Variants in HEATR5B observed in about 807,000 individuals in gnomAD.
HEATR5B encodes the protein HEAT repeat-containing protein 5B.
A neutral mutation model predicts 224.1 loss-of-function variants in HEATR5B; 156 were observed. The observed-to-expected ratio is 0.70, with a 90% CI of 0.61 to 0.80. HEATR5B has a LOEUF of 0.80. HEATR5B is among the 30% of genes least tolerant of loss of function. The pLI, the probability that HEATR5B is intolerant of heterozygous loss-of-function variation, is 0.00. For synonymous variants in HEATR5B, 1,027 were observed against 893.0 expected, an observed-to-expected ratio of 1.15 and a Z score of -2.68; for missense variants, 2,323 against 2,535.5, an observed-to-expected ratio of 0.92 and a Z score of 1.80.
At chr2:37,044,779 G>A (rs1016216946) in intron 18 of HEATR5B, among the ~76,000 whole-genome samples, 2 of 152,150 alleles carry the variant, frequency 1.3e-5, no homozygotes, top group Non-Finnish European at 2.9e-5. Flanking sequence ...TTATATGCAT[G>A]TTACACAGCT....
At chr2:37,029,680 C>T (rs1055930792) in intron 22 of HEATR5B, among the ~76,000 whole-genome samples, 17 of 151,616 alleles carry the variant, frequency 1.1e-4, no homozygotes, top group African/African-American at 3.9e-4. Flanking sequence ...GTGGCTCATG[C>T]CTGTAATCCC....
At chr2:37,003,150 G>C (rs1035481017) in intron 31 of HEATR5B, among the ~76,000 whole-genome samples, 1 of 150,860 alleles carries the variant, frequency 6.6e-6, no homozygotes, top group African/African-American at 2.4e-5. Flanking sequence ...AGGTACTCTG[G>C]AGGCTGAGGT....
At position 37,038,550 on chromosome 2, in the gene HEATR5B, A is replaced by AAC. The variant is rs560841505; in HGVS notation, c.3047-528_3047-527dup. 2.4e-3 allele frequency among the ~76,000 whole-genome samples: 365 copies of AAC among 152,328 alleles called. 2 individuals are homozygous for AAC. Among genetic ancestry groups the AAC allele is most frequent in the Non-Finnish European group, 3.0e-3 (201 of 68,032 alleles). On this transcript the variant is annotated intron_variant, in intron 20 of 35. Transcript: ENST00000233099. ...TTATCACTTTTGAAAATACTTGATAAACACCTATGCTTAATAAAAGGCACA... is the reference window on the plus strand; with the variant it reads ...TTATCACTTTTGAAAATACTTGATAAACACACCTATGCTTAATAAAAGGCACA...
chr2:36,983,379 A>C (rs1264635254), intron 35 of HEATR5B, among the ~76,000 whole-genome samples: 1 of 151,204 alleles, frequency 6.6e-6, no homozygotes, highest in Non-Finnish European at 1.5e-5. Context: ...AATACAAAAA[A>C]AAAAAAAAAA....
At chr2:37,037,024 C>T (rs1176045453) in intron 21 of HEATR5B, among the ~76,000 whole-genome samples, 1 of 151,228 alleles carries the variant, frequency 6.6e-6, no homozygotes, top group Non-Finnish European at 1.5e-5. Context: ...TGACATATAA[C>T]AGGCTATCAA....
chr2:37,062,272 A>C (rs898236666), intron 10 of HEATR5B, among the ~76,000 whole-genome samples: 1 of 152,138 alleles, frequency 6.6e-6, no homozygotes, highest in African/African-American at 2.4e-5. Flanking sequence ...ACCAAAAAAT[A>C]CAAAAAAATT....
At chr2:36,988,971 G>T in intron 34 of HEATR5B, 112 bp from the exon 35 acceptor site, 1 of 735,244 alleles carries the variant, frequency 1.4e-6, no homozygotes. Flanking sequence ...GGACAAAAAT[G>T]GAAATTACAT....
At position 37,037,145 on chromosome 2, in the gene HEATR5B, G is replaced by GAGATGGATATATATATATATAT; in HGVS notation, c.3216+709_3216+710insATATATATATATATATCCATCT. Among the ~76,000 whole-genome samples the GAGATGGATATATATATATATAT allele has an allele frequency of 8.0e-4, 71 of 89,162 alleles. 5 individuals are homozygous for GAGATGGATATATATATATATAT. Among genetic ancestry groups the GAGATGGATATATATATATATAT allele is most frequent in the South Asian group, 3.3e-3 (7 of 2,104 alleles). 58.5% of individuals were successfully genotyped at this position (89,162 alleles called of 152,430 possible). On this transcript the variant is annotated intron_variant, in intron 21 of 35. Coordinates refer to ENST00000233099, the MANE Select transcript of HEATR5B (RefSeq NM_019024.3). ...TTCCGAGTAGGAAAACTAAAAATGT[G>GAGATGGATATATATATATATAT]ATATATATATATATTTTGGAGATGG...
At chr2:37,003,740 T>A in intron 30 of HEATR5B, 54 bp from the exon 31 acceptor site, 1 of 1,281,450 alleles carries the variant, frequency 7.8e-7, no homozygotes, top group Non-Finnish European at 1.0e-6. Context: ...AAAGAATAAC[T>A]TTATATTGTT....
chr2:37,015,660 A>C (rs982135962), intron 26 of HEATR5B, among the ~76,000 whole-genome samples: 7 of 152,228 alleles, frequency 4.6e-5, no homozygotes, highest in African/African-American at 1.7e-4. Flanking sequence ...GAAACAAAGG[A>C]AACTAAGTAA....
intron 33 of HEATR5B, among the ~76,000 whole-genome samples, chr2:36,995,367 G>A (rs1666627203): frequency 6.6e-6 from 1 of 152,098 alleles, no homozygotes; most frequent in African/African-American, 2.4e-5. Context: ...ACAGGTGTGA[G>A]CTACCATGGC....
intron 7 of HEATR5B, among the ~76,000 whole-genome samples, chr2:37,069,371 CTAAAATCGT>C (rs1407153435): frequency 6.6e-6 from 1 of 152,120 alleles, no homozygotes; most frequent in African/African-American, 2.4e-5. Context: ...ATGATTTTGA[CTAAAATCGT>C]GATTTTGACT....
chr2:36,990,089 A>C (rs561283905), intron 34 of HEATR5B, among the ~76,000 whole-genome samples: 6 of 151,630 alleles, frequency 4.0e-5, no homozygotes, highest in Admixed American at 3.3e-4. Flanking sequence ...TTTTTAGTAG[A>C]GATGGGGTTT....
At chr2:37,036,519 T>C (rs1669486160) in intron 21 of HEATR5B, among the ~76,000 whole-genome samples, 1 of 68,212 alleles carries the variant, frequency 1.5e-5, no homozygotes, top group Non-Finnish European at 3.4e-5. Flanking sequence ...ATCAATTGTT[T>C]TTTTTTTTTG....
intron 8 of HEATR5B, 120 bp from the exon 9 acceptor site, chr2:37,066,030 A>G: frequency 1.3e-6 from 1 of 781,836 alleles, no homozygotes; most frequent in Non-Finnish European, 2.0e-6. Flanking sequence ...AAAACTATGC[A>G]GTTATTTCTC....
At chr2:37,036,229 T>C (rs1360215070) in intron 21 of HEATR5B, among the ~76,000 whole-genome samples, 3 of 152,194 alleles carry the variant, frequency 2.0e-5, no homozygotes, top group Non-Finnish European at 4.4e-5. Context: ...TTCCCACTGC[T>C]TGTAGAATAA....
chr2:37,031,797 T>TA (rs972899339), intron 22 of HEATR5B, among the ~76,000 whole-genome samples: 10 of 152,160 alleles, frequency 6.6e-5, no homozygotes, highest in African/African-American at 2.4e-4. Flanking sequence ...CTTTTATAAG[T>TA]AAAAAATTTC....
chr2:37,069,294 A>C (rs146057119), intron 7 of HEATR5B, among the ~76,000 whole-genome samples: 1 of 152,274 alleles, frequency 6.6e-6, no homozygotes, highest in East Asian at 1.9e-4. Flanking sequence ...CTTACGTACG[A>C]CTTTTTCTGT....
At position 37,049,791 on chromosome 2, in the gene HEATR5B, G is replaced by GACCCATAAC; in HGVS notation, c.2557_2558insGTTATGGGT (p.Ala853delinsGlyTyrGlySer). 6.2e-7 allele frequency: 1 copy of GACCCATAAC among 1,609,728 alleles called. No individual in the cohort carries two copies. The highest frequency in any genetic ancestry group is 1.1e-5 in the South Asian group (1 of 90,796). ...CAGAGGACCCATAACCAGTGTCAGG[G>GACCCATAAC]CAGATTTACGAACTTCCTCAGGTCC... On this transcript the variant is annotated protein_altering_variant, in exon 18 of 36. Coordinates refer to ENST00000233099, the MANE Select transcript of HEATR5B (RefSeq NM_019024.3).
Sources: gnomAD v4.1 joint callset for allele counts (sites outside exome capture counted in the v4.1 genomes callset) on GRCh38, gnomAD v4.1.1 for gene constraint, MANE v1.5 for transcripts, NCBI Gene and HGNC (gene_info 2026-07-23, HGNC 2026-07-21) for gene names.